The following UTRN variants were observed in gnomAD, a reference collection of about 807,000 sequenced individuals.
UTRN encodes dystrophin-related protein 1.
Under a neutral mutation model 463.9 loss-of-function variants are expected in UTRN, and 283 were observed. The observed-to-expected ratio is 0.61, with a 90% confidence interval of 0.55 to 0.67. UTRN has a LOEUF of 0.67. Among genes scored for constraint, UTRN ranks in the 30% least tolerant of loss-of-function variants. The pLI is 0.00. For missense variants in UTRN, 3,922 were observed against 4,084.3 expected, an observed-to-expected ratio of 0.96 and a Z score of 1.08; for synonymous variants, 1,442 against 1,431.5, an observed-to-expected ratio of 1.01 and a Z score of -0.17.
intron 47 of UTRN, 52 bp from the exon 48 acceptor site, chr6:144,550,913 T>C: frequency 7.0e-7 from 1 of 1,424,226 alleles, no homozygotes; most frequent in Non-Finnish European, 9.4e-7. Flanking sequence ...TTGCTTATTA[T>C]TCTTCTCATA....
chr6:144,765,440 G>A lies in UTRN; in HGVS notation c.8496-6467G>A, dbSNP rs546033758. The stretch of plus-strand genomic sequence containing the variant: ...AAGTGTATTTTGTTTCAGAGACAGG[G>A]TCTCACTCTGTTGCCCAGGCCAGAG... On this transcript the variant is annotated intron_variant, in intron 58 of 74. Coordinates refer to ENST00000367545, the MANE Select transcript of UTRN (RefSeq NM_007124.3). Among the ~76,000 whole-genome samples, 21 of 152,226 alleles carry A rather than the reference G, an allele frequency of 1.4e-4. No individual in the cohort carries two copies. In the South Asian group the frequency reaches 4.4e-3, roughly 32 times the overall value.
At chr6:144,592,553 T>C (rs773335702) in intron 51 of UTRN, among the ~76,000 whole-genome samples, 2 of 152,046 alleles carry the variant, frequency 1.3e-5, no homozygotes, top group Non-Finnish European at 2.9e-5. Context: ...GTATTTTTAG[T>C]AGAGACGGAG....
chr6:144,843,388 A>G (rs1781758237), intron 73 of UTRN, among the ~76,000 whole-genome samples: 1 of 152,180 alleles, frequency 6.6e-6, no homozygotes, highest in African/African-American at 2.4e-5. Context: ...ATTTTTCTCA[A>G]AGTATACTCT....
intron 51 of UTRN, among the ~76,000 whole-genome samples, chr6:144,635,160 G>A (rs1176491445): frequency 2.4e-5 from 1 of 41,290 alleles, no homozygotes; most frequent in Non-Finnish European, 5.5e-5. Flanking sequence ...TTTTTTTTTT[G>A]GAGACATGAG....
At chr6:144,505,492 G>C (rs577105016) in intron 34 of UTRN, among the ~76,000 whole-genome samples, 14 of 152,204 alleles carry the variant, frequency 9.2e-5, no homozygotes, top group African/African-American at 3.4e-4. Flanking sequence ...CTTTACTTCT[G>C]CCTTAATTTC....
At chr6:144,598,411 A>T (rs1803879678) in intron 51 of UTRN, among the ~76,000 whole-genome samples, 1 of 152,216 alleles carries the variant, frequency 6.6e-6, no homozygotes, top group Non-Finnish European at 1.5e-5. Context: ...GGGGTTGCAG[A>T]GACCAAGGTT....
chr6:144,455,286 C>T (rs748525883), intron 19 of UTRN, among the ~76,000 whole-genome samples: 3 of 151,956 alleles, frequency 2.0e-5, no homozygotes, highest in Non-Finnish European at 2.9e-5. Flanking sequence ...TTTCAAAATC[C>T]ATTCTAGCAG....
At chr6:144,760,121 T>A (rs1179157217) in intron 58 of UTRN, among the ~76,000 whole-genome samples, 1 of 152,138 alleles carries the variant, frequency 6.6e-6, no homozygotes, top group African/African-American at 2.4e-5. Flanking sequence ...AATTTCTATA[T>A]GTTTAGGTTA....
At chr6:144,520,079 G>A (rs1370785196) in intron 39 of UTRN, among the ~76,000 whole-genome samples, 1 of 152,160 alleles carries the variant, frequency 6.6e-6, no homozygotes. Context: ...TGGTCTTTTG[G>A]AAAACAGATG....
At chr6:144,783,865 C>A (rs994945232) in intron 61 of UTRN, among the ~76,000 whole-genome samples, 1 of 152,144 alleles carries the variant, frequency 6.6e-6, no homozygotes, top group Non-Finnish European at 1.5e-5. Flanking sequence ...GTCTCAGTTA[C>A]CATAATGAAT....
chr6:144,667,316 C>T (rs1366405534), intron 51 of UTRN, among the ~76,000 whole-genome samples: 1 of 152,170 alleles, frequency 6.6e-6, no homozygotes, highest in East Asian at 1.9e-4. Context: ...CCTCAGCCTC[C>T]CAAAGTTCTG....
chr6:144,368,761 C>T (rs980692981), intron 2 of UTRN, among the ~76,000 whole-genome samples: 41 of 150,038 alleles, frequency 2.7e-4, no homozygotes, highest in Admixed American at 2.2e-3. Flanking sequence ...GCAACTCCGT[C>T]GCAAAAAAAG....
At chr6:144,384,520 C>T (rs1214029301) in intron 2 of UTRN, among the ~76,000 whole-genome samples, 3 of 152,132 alleles carry the variant, frequency 2.0e-5, no homozygotes, top group Non-Finnish European at 2.9e-5. Context: ...TTCACAAAAC[C>T]GGTTCCTTTT....
intron 3 of UTRN, among the ~76,000 whole-genome samples, chr6:144,419,829 A>T (rs1029011983): frequency 1.3e-5 from 2 of 152,148 alleles, no homozygotes; most frequent in African/African-American, 4.8e-5. Context: ...GACCTTACAC[A>T]TCGCACTGTA....
chr6:144,432,015 AG>A (rs1785897787), intron 9 of UTRN, among the ~76,000 whole-genome samples: 2 of 152,254 alleles, frequency 1.3e-5, no homozygotes, highest in Admixed American at 6.5e-5. Context: ...TTTAAGTTTT[AG>A]GGTACATGTG....
At chr6:144,661,002 T>C (rs1779812981) in intron 51 of UTRN, among the ~76,000 whole-genome samples, 1 of 152,242 alleles carries the variant, frequency 6.6e-6, no homozygotes, top group South Asian at 2.1e-4. Flanking sequence ...CTGCCCTCTT[T>C]AGCCTTTGGA....
chr6:144,384,482 C>T (rs1449640595), intron 2 of UTRN, among the ~76,000 whole-genome samples: 1 of 152,156 alleles, frequency 6.6e-6, no homozygotes, highest in Non-Finnish European at 1.5e-5. Context: ...CTGCCTCCCC[C>T]ACTGCCCCGC....
chr6:144,453,889 T>C lies in UTRN; in HGVS notation c.2284+20T>C. 1.2e-6 allele frequency: 2 copies of C among 1,604,686 alleles called. No individual in the cohort carries two copies. Among genetic ancestry groups the C allele is most frequent in the South Asian group, 2.2e-5 (2 of 90,008 alleles). The stretch of plus-strand genomic sequence containing the variant: ...GAAAAGGTAAGATCCTTGATTTTTT[T>C]CCCCTATATTTTTCAGATGGTGGCA... On this transcript the variant is annotated intron_variant, in intron 19 of 74. Coordinates refer to ENST00000367545, the MANE Select transcript of UTRN (RefSeq NM_007124.3).
intron 72 of UTRN, among the ~76,000 whole-genome samples, chr6:144,840,096 G>A (rs1781433684): frequency 6.6e-6 from 1 of 152,112 alleles, no homozygotes; most frequent in Non-Finnish European, 1.5e-5. Context: ...GCTGAGGCAG[G>A]AGAATTGCTG....
Sources: allele counts gnomAD v4.1 joint callset (sites outside exome capture counted in the v4.1 genomes callset), GRCh38; gene constraint gnomAD v4.1.1; transcripts MANE v1.5; gene names NCBI Gene and HGNC (gene_info 2026-07-23, HGNC 2026-07-21).